PHF2: variants seen among roughly 807,000 people sequenced by gnomAD.
PHF2 encodes the protein PHD finger protein 2.
A neutral mutation model predicts 120.5 loss-of-function variants in PHF2; 27 were observed. The observed-to-expected ratio is 0.22, with a 90% CI of 0.17 to 0.31. The LOEUF (loss-of-function observed/expected upper bound fraction) is 0.31, where lower values mean the gene tolerates loss of function less well. Ranked by LOEUF, PHF2 falls within the 10% of genes least tolerant of loss-of-function variation. PHF2 has a pLI of 1.00. For synonymous variants in PHF2, 568 were observed against 592.5 expected (o/e 0.96, Z 0.60); for missense variants, 1,024 against 1,434.8 (o/e 0.71, Z 4.63).
intron 1 of PHF2, among the ~76,000 whole-genome samples, chr9:93,610,685 T>A (rs535058229): frequency 6.6e-6 from 1 of 152,144 alleles, no homozygotes; most frequent in South Asian, 2.1e-4. Context: ...TAAAAAAAAA[T>A]TGGAAAACAA....
rs369497277 is a variant in PHF2, at chr9:93,610,082, C to T, written c.99-19888C>T. ...ATGCCTAGGTGTAGATTTTTTTTTG[C>T]GGGGAGGCTTATATCCTGCTTGGTA... On this transcript the variant is annotated intron_variant, in intron 1 of 21. Transcript: ENST00000359246. 4.9e-3 allele frequency among the ~76,000 whole-genome samples: 726 copies of T among 148,962 alleles called. 6 individuals are homozygous for T. Among genetic ancestry groups the T allele is most frequent in the African/African-American group, 0.017 (692 of 40,650 alleles).
At chr9:93,672,309 T>C (rs1338486120) in intron 17 of PHF2, 4 of 596,686 alleles carry the variant, frequency 6.7e-6, no homozygotes, top group South Asian at 8.5e-5. Flanking sequence ...GGTGTGGGTG[T>C]GGATGTAGGT....
chr9:93,648,937 T>C, intron 4 of PHF2, 134 bp from the exon 5 acceptor site: 1 of 964,520 alleles, frequency 1.0e-6, no homozygotes, highest in Non-Finnish European at 1.5e-6. Context: ...ACCTAGAGCC[T>C]CCGCATCCAG....
At chr9:93,579,082 G>T (rs1862887546) in intron 1 of PHF2, among the ~76,000 whole-genome samples, 1 of 152,144 alleles carries the variant, frequency 6.6e-6, no homozygotes, top group African/African-American at 2.4e-5. Flanking sequence ...AGCCGTCAGG[G>T]GTTGGTGGTG....
At chr9:93,616,772 G>A (rs1316850868) in intron 1 of PHF2, among the ~76,000 whole-genome samples, 1 of 151,770 alleles carries the variant, frequency 6.6e-6, no homozygotes, top group African/African-American at 2.4e-5. Context: ...TTCTCCTGCT[G>A]CAGCATCCCA....
chr9:93,654,982 G>A (rs1428868151), intron 7 of PHF2, among the ~76,000 whole-genome samples: 1 of 152,230 alleles, frequency 6.6e-6, no homozygotes, highest in Non-Finnish European at 1.5e-5. Context: ...GAGCCAGCGA[G>A]GGAGGAGGGC....
At position 93,677,031 on chromosome 9, in the gene PHF2, A is replaced by G. The variant is rs1826930900; in HGVS notation, c.3202+68A>G. ...CCTGCCCCCATGGGCAGCCCCAGAC[A>G]TGCAGACTCGGCCCATGGTAGAGGG... is the stretch of plus-strand genomic sequence containing the variant. On this transcript the variant is annotated intron_variant, in intron 21 of 21. Coordinates refer to ENST00000359246, the MANE Select transcript of PHF2 (RefSeq NM_005392.4). The surrounding 1 kb of genome is among the most constrained non-coding windows in gnomAD (Gnocchi z 4.4). The G allele has an allele frequency of 1.2e-5, 17 of 1,431,164 alleles. No individual in the cohort carries two copies. The highest frequency in any genetic ancestry group is 1.6e-5 in the Non-Finnish European group (17 of 1,078,112). The allele number at this position is 1,431,164 out of a possible 1,614,324, so 88.7% of individuals were successfully genotyped here. A position where few individuals can be genotyped will look rare whatever the true frequency, so the allele number is the denominator to read the frequency against.
At chr9:93,604,697 C>G (rs547855571) in intron 1 of PHF2, among the ~76,000 whole-genome samples, 53 of 152,300 alleles carry the variant, frequency 3.5e-4, no homozygotes, top group African/African-American at 1.3e-3. Flanking sequence ...ATCTCCTGAC[C>G]TTGTGATCCG....
chr9:93,674,474 G>A (rs573939729), intron 18 of PHF2, among the ~76,000 whole-genome samples: 2 of 152,316 alleles, frequency 1.3e-5, no homozygotes, highest in South Asian at 4.1e-4. Flanking sequence ...GAGCCTCAAA[G>A]TGTTTCTCTT....
chr9:93,666,137 C>T lies in PHF2; in HGVS notation c.2187+77C>T, dbSNP rs577343335. ...CCCCAAGGCCATGGTTTGAGTGACT[C>T]CAGGGCGGTCTCTGGGGGTGTTTCT... On this transcript the variant is annotated intron_variant, in intron 16 of 21. Transcript: ENST00000359246. 292 of 1,483,722 alleles carry T rather than the reference C, an allele frequency of 2.0e-4. 3 individuals are homozygous for T. In the Middle Eastern group the frequency reaches 3.9e-3, roughly 20 times the overall value. 91.9% of individuals were successfully genotyped at this position (1,483,722 alleles called of 1,614,324 possible).
rs542128764 is a variant in PHF2, at chr9:93,667,334, G to T, written c.2348+94G>T. 28 of 1,454,330 alleles carry T rather than the reference G, an allele frequency of 1.9e-5. No homozygotes were observed. In the African/African-American group the frequency reaches 3.5e-4, roughly 18 times the overall value. The allele number at this position is 1,454,330 out of a possible 1,614,324, so 90.1% of individuals were successfully genotyped here. ...GATGGTGGGAGCCTGCGAGGCAGAC[G>T]CACAGCTGGAGCCAGTGCTGAGCCG... On this transcript the variant is annotated intron_variant, in intron 17 of 21. Coordinates refer to ENST00000359246, the MANE Select transcript of PHF2 (RefSeq NM_005392.4).
chr9:93,624,927 T>A (rs1321620849), intron 1 of PHF2, among the ~76,000 whole-genome samples: 10 of 152,122 alleles, frequency 6.6e-5, no homozygotes, highest in East Asian at 1.9e-4. Context: ...GGAGATGATG[T>A]TGTCACTCTC....
chr9:93,667,048 C>A (rs1231696179), intron 16 of PHF2, 32 bp from the exon 17 acceptor site: 8 of 1,589,252 alleles, frequency 5.0e-6, no homozygotes, highest in Non-Finnish European at 6.8e-6. Context: ...CCAGACCCTC[C>A]CCTGACCGAA....
intron 12 of PHF2, among the ~76,000 whole-genome samples, chr9:93,661,893 A>G (rs1216513282): frequency 6.7e-6 from 1 of 150,036 alleles, no homozygotes; most frequent in Non-Finnish European, 1.5e-5. Context: ...GATGGATGGA[A>G]TGGATGGGTA....
At chr9:93,669,512 G>A (rs1826743659) in intron 17 of PHF2, among the ~76,000 whole-genome samples, 1 of 152,222 alleles carries the variant, frequency 6.6e-6, no homozygotes, top group Admixed American at 6.5e-5. Flanking sequence ...TTTTCCCATT[G>A]TTGTGGCTTT....
chr9:93,675,038 G>C lies in PHF2; in HGVS notation c.2722+16G>C. The stretch of plus-strand genomic sequence containing the variant: ...AGCCCAACAGGTAGTGCTGGGACAG[G>C]GGTAGGGGGTCCACCTGACACCCAG... On this transcript the variant is annotated intron_variant, in intron 19 of 21. Transcript: ENST00000359246. 1.3e-6 allele frequency: 2 copies of C among 1,597,942 alleles called. No homozygotes were observed. Among genetic ancestry groups the C allele is most frequent in the Admixed American group, 1.7e-5 (1 of 59,988 alleles).
intron 1 of PHF2, among the ~76,000 whole-genome samples, chr9:93,601,124 GA>G (rs895833169): frequency 3.3e-5 from 5 of 151,998 alleles, no homozygotes; most frequent in Non-Finnish European, 1.5e-5. Flanking sequence ...TCCCCTAGGA[GA>G]AAAAAAGGCA....
chr9:93,672,274 G>A (rs1646356408), intron 17 of PHF2: 1 of 163,284 alleles, frequency 6.1e-6, no homozygotes, highest in East Asian at 2.1e-4. Flanking sequence ...GTGTGGGTGT[G>A]GATGTAGGTA....
At chr9:93,658,680 G>A (rs1233124333) in intron 10 of PHF2, among the ~76,000 whole-genome samples, 2 of 152,054 alleles carry the variant, frequency 1.3e-5, no homozygotes, top group African/African-American at 4.8e-5. Context: ...GCTGGCCCCA[G>A]GACAGGGAGT....
Sources: allele counts gnomAD v4.1 joint callset (sites outside exome capture counted in the v4.1 genomes callset), GRCh38; gene constraint gnomAD v4.1.1; non-coding constraint Gnocchi (gnomAD v3.1); transcripts MANE v1.5; gene names NCBI Gene and HGNC (gene_info 2026-07-23, HGNC 2026-07-21).